Variants in PRKCE observed in about 807,000 individuals in gnomAD.
The protein encoded by PRKCE is protein kinase C epsilon, also known as protein kinase C epsilon type.
Under a neutral mutation model 85.4 loss-of-function variants are expected in PRKCE, and 16 were observed. That is an observed-to-expected ratio of 0.19 (90% confidence interval 0.13 to 0.28). The LOEUF (loss-of-function observed/expected upper bound fraction) is 0.28, where lower values mean the gene tolerates loss of function less well. Ranked by LOEUF, PRKCE falls within the 10% of genes least tolerant of loss-of-function variation. The pLI, the probability that PRKCE is intolerant of heterozygous loss-of-function variation, is 1.00. For synonymous variants in PRKCE, 388 were observed against 371.5 expected, an observed-to-expected ratio of 1.04 and a Z score of -0.51; for missense variants, 573 against 975.2, an observed-to-expected ratio of 0.59 and a Z score of 5.49.
chr2:45,849,290 T>C (rs1423579079), intron 2 of PRKCE, among the ~76,000 whole-genome samples: 3 of 152,082 alleles, frequency 2.0e-5, no homozygotes, highest in African/African-American at 4.8e-5. Flanking sequence ...GCAGAGCACA[T>C]TTTACAACTA....
At position 46,050,007 on chromosome 2, in the gene PRKCE, G is replaced by A. The variant is rs76962320; in HGVS notation, c.1438-36201G>A. Among the ~76,000 whole-genome samples the A allele has an allele frequency of 3.0e-3, 457 of 152,144 alleles. 4 individuals carry two copies. Among genetic ancestry groups the A allele is most frequent in the Middle Eastern group, 0.014 (4 of 294 alleles). On this transcript the variant is annotated intron_variant, in intron 10 of 14. Coordinates refer to ENST00000306156, the MANE Select transcript of PRKCE (RefSeq NM_005400.3). ...GCTGGGGGTAAAAGCTGGGCCCACC[G>A]ACTGATGGGGAAACCTAAAGTTCTT... is the stretch of plus-strand genomic sequence containing the variant.
chr2:45,714,632 A>G (rs1679940465), intron 1 of PRKCE, among the ~76,000 whole-genome samples: 1 of 152,120 alleles, frequency 6.6e-6, no homozygotes, highest in Non-Finnish European at 1.5e-5. Flanking sequence ...GGCCTCGTGA[A>G]AGGTCCTCTT....
intron 11 of PRKCE, among the ~76,000 whole-genome samples, chr2:46,100,470 G>T (rs1347408368): frequency 6.6e-6 from 1 of 152,218 alleles, no homozygotes; most frequent in Non-Finnish European, 1.5e-5. Context: ...ATGTAAGCAA[G>T]AACTGCTGGC....
Position 46,184,258 on chromosome 2 carries a change from T to C in PRKCE, c.2068-477T>C, listed in dbSNP as rs1680273900. Among the ~76,000 whole-genome samples, 1 of 152,054 alleles carries C rather than the reference T, an allele frequency of 6.6e-6. No homozygotes were observed. Among genetic ancestry groups the C allele is most frequent in the South Asian group, 2.1e-4 (1 of 4,826 alleles). On this transcript the variant is annotated intron_variant, in intron 14 of 14. Coordinates refer to ENST00000306156, the MANE Select transcript of PRKCE (RefSeq NM_005400.3). This position sits in a 1 kb window ranked among gnomAD's most constrained non-coding sequence, Gnocchi z 5.0. ...GAGTAAGTGGAAATCGAGGCAGGCTTGTGGAGAGGATGTCACCTGGAGCAG... is the reference window on the plus strand; with the variant it reads ...GAGTAAGTGGAAATCGAGGCAGGCTCGTGGAGAGGATGTCACCTGGAGCAG...
At chr2:46,044,512 C>G (rs1708402453) in intron 10 of PRKCE, among the ~76,000 whole-genome samples, 1 of 152,080 alleles carries the variant, frequency 6.6e-6, no homozygotes, top group South Asian at 2.1e-4. Context: ...GTGATGTGGT[C>G]CCATTTTTGC....
rs28521005 is a variant in PRKCE, at chr2:45,905,578, A to C, written c.412+62515A>C. ...AGCTTTCCTAAAAGCTGGGCAAAGC[A>C]GGGCTTTCACCGGGCTCTGTGTATC... On this transcript the variant is annotated intron_variant, in intron 2 of 14. Transcript: ENST00000306156. The surrounding 1 kb of genome is among the most constrained non-coding windows in gnomAD (Gnocchi z 4.4). Among the ~76,000 whole-genome samples, 3,441 of 152,310 alleles carry C rather than the reference A, an allele frequency of 0.023. 142 individuals are homozygous for C. The highest frequency in any genetic ancestry group is 0.078 in the African/African-American group (3,242 of 41,554).
intron 10 of PRKCE, among the ~76,000 whole-genome samples, chr2:46,022,024 A>G (rs548503605): frequency 5.9e-5 from 9 of 152,278 alleles, no homozygotes; most frequent in African/African-American, 2.2e-4. Flanking sequence ...AATACTTCAG[A>G]CAACCCAGAT....
At chr2:45,954,543 G>T (rs1700842655) in intron 2 of PRKCE, among the ~76,000 whole-genome samples, 1 of 152,162 alleles carries the variant, frequency 6.6e-6, no homozygotes, top group Admixed American at 6.5e-5. Context: ...TTAAACATAA[G>T]CATGCATGAA....
rs191714922 is a variant in PRKCE at position 46,029,791 on chromosome 2, C to T, written c.1437+19274C>T. Among the ~76,000 whole-genome samples, 4 of 150,854 alleles carry T rather than the reference C, an allele frequency of 2.7e-5. No individual in the cohort carries two copies. In the East Asian group the frequency reaches 7.8e-4, roughly 29 times the overall value. On this transcript the variant is annotated intron_variant, in intron 10 of 14. Coordinates refer to ENST00000306156, the MANE Select transcript of PRKCE (RefSeq NM_005400.3). ...TACAGAGGGAGTCAGGAAAAGGAAA[C>T]TAAGAAAATATCAAACTCCTGCAGC...
intron 11 of PRKCE, among the ~76,000 whole-genome samples, chr2:46,114,202 C>G (rs1672534122): frequency 1.3e-5 from 2 of 152,022 alleles, no homozygotes; most frequent in Admixed American, 1.3e-4. Context: ...GCACAGAACT[C>G]GAGGGTTCTG....
At chr2:46,061,862 T>TC (rs1298014964) in intron 10 of PRKCE, among the ~76,000 whole-genome samples, 5 of 107,092 alleles carry the variant, frequency 4.7e-5, no homozygotes, top group East Asian at 2.6e-4. Flanking sequence ...TCTTTTTCTT[T>TC]TTTTTTTTTT....
At chr2:45,923,211 A>C (rs1698380778) in intron 2 of PRKCE, among the ~76,000 whole-genome samples, 1 of 152,182 alleles carries the variant, frequency 6.6e-6, no homozygotes, top group African/African-American at 2.4e-5. Flanking sequence ...ATGGCACTAA[A>C]AGTCTTCTAG....
At chr2:45,702,804 A>G (rs1337413701) in intron 1 of PRKCE, among the ~76,000 whole-genome samples, 1 of 151,954 alleles carries the variant, frequency 6.6e-6, no homozygotes, top group Admixed American at 6.6e-5. Context: ...TCTTTCCTTC[A>G]CTGTTCCTCA....
intron 10 of PRKCE, among the ~76,000 whole-genome samples, chr2:46,015,974 C>T (rs1429683270): frequency 6.6e-6 from 1 of 152,120 alleles, no homozygotes; most frequent in East Asian, 1.9e-4. Flanking sequence ...TCAATATGCT[C>T]GCCAGTAACA....
intron 1 of PRKCE, among the ~76,000 whole-genome samples, chr2:45,671,929 G>A (rs1014455853): frequency 6.6e-6 from 1 of 151,974 alleles, no homozygotes; most frequent in African/African-American, 2.4e-5. Flanking sequence ...TAGGCATGAC[G>A]GCATGCACCT....
chr2:45,972,942 C>G (rs1702203505), intron 2 of PRKCE, among the ~76,000 whole-genome samples: 1 of 152,116 alleles, frequency 6.6e-6, no homozygotes, highest in African/African-American at 2.4e-5. Flanking sequence ...GACTGAACAG[C>G]CAAAGCAATT....
At position 45,887,218 on chromosome 2, in the gene PRKCE, G is replaced by A. The variant is rs114293685; in HGVS notation, c.412+44155G>A. ...TGGTTGCAGAAAGTCAGCTTTGCAG[G>A]TTATACTCTCAGCATTTTGGCCACA... On this transcript the variant is annotated intron_variant, in intron 2 of 14. Transcript: ENST00000306156. 1.6e-3 allele frequency among the ~76,000 whole-genome samples: 240 copies of A among 152,298 alleles called. 1 individual carries two copies. The highest frequency in any genetic ancestry group is 5.7e-3 in the African/African-American group (238 of 41,552).
At chr2:45,973,964 T>C (rs1166022527) in intron 2 of PRKCE, among the ~76,000 whole-genome samples, 1 of 152,236 alleles carries the variant, frequency 6.6e-6, no homozygotes, top group Non-Finnish European at 1.5e-5. Context: ...ACGGGCTTAC[T>C]GTTCAAATGT....
In PRKCE at chr2:45,885,002, T is replaced by TTTTGTTG. The variant is rs375477829; in HGVS notation, c.412+41941_412+41942insTGTTGTT. ...ATATATATATATATATATATATATA[T>TTTTGTTG]TTGTTGTTGTTGTTGTTGTTTTACC... On this transcript the variant is annotated intron_variant, in intron 2 of 14. Coordinates refer to ENST00000306156, the MANE Select transcript of PRKCE (RefSeq NM_005400.3). Among the ~76,000 whole-genome samples, 73 of 97,662 alleles carry TTTTGTTG rather than the reference T, an allele frequency of 7.5e-4. 3 individuals are homozygous for TTTTGTTG. Among genetic ancestry groups the TTTTGTTG allele is most frequent in the South Asian group, 1.0e-3 (3 of 2,950 alleles). The allele number at this position is 97,662 out of a possible 152,430, so 64.1% of individuals were successfully genotyped here.
Sources: allele counts gnomAD v4.1 joint callset (sites outside exome capture counted in the v4.1 genomes callset), GRCh38; gene constraint gnomAD v4.1.1; non-coding constraint Gnocchi (gnomAD v3.1); transcripts MANE v1.5; gene names NCBI Gene and HGNC (gene_info 2026-07-23, HGNC 2026-07-21).